Variants in ULBP1 observed in about 807,000 individuals in gnomAD.
ULBP1 encodes UL16-binding protein 1.
ULBP1 carries 28 observed loss-of-function variants against 25.3 expected under a neutral mutation model. That is an observed-to-expected ratio of 1.10 (90% CI 0.82 to 1.51). The LOEUF is 1.51. ULBP1 is among the 40% of genes most tolerant of loss of function. The pLI, the probability that ULBP1 is intolerant of heterozygous loss-of-function variation, is 0.00. For missense variants in ULBP1, 348 were observed against 290.9 expected, an observed-to-expected ratio of 1.20 and a Z score of -1.43; for synonymous variants, 129 against 103.0, an observed-to-expected ratio of 1.25 and a Z score of -1.53.
At position 149,969,250 on chromosome 6, in the gene ULBP1, G is replaced by A; in HGVS notation, c.515G>A (p.Trp172Ter). The A allele has an allele frequency of 6.2e-7, 1 of 1,614,262 alleles. No homozygotes were observed. ...GGAGCCAAGAAGATGACAGAGAAGT[G>A]GGAGAAGAACAGGGATGTGACCATG... ...HPGAKKMTEKWEKNRDVTMFF... is the reference protein window; with the variant it reads ...HPGAKKMTEK Residue 172 changes from tryptophan (W) to a stop codon, truncating the protein, a stop_gained, in exon 3 of 5, where the codon TGG (tryptophan) becomes TAG (stop). Coordinates refer to ENST00000229708, the MANE Select transcript of ULBP1 (RefSeq NM_025218.4). LOFTEE classifies it high-confidence loss of function.
At position 149,964,019 on chromosome 6, in the gene ULBP1, C is replaced by G. The variant is rs562831946; in HGVS notation, c.-31C>G. The G allele has an allele frequency of 6.2e-7, 1 of 1,610,804 alleles. No homozygotes were observed. Among genetic ancestry groups the G allele is most frequent in the South Asian group, 1.1e-5 (1 of 90,958 alleles). ...TGTGAGCCTCGAAGGGAACCATCAG[C>G]GCCTCCTGTCCACGGAGCTCCAGGT... On this transcript the variant is annotated 5_prime_UTR_variant, in exon 1 of 5. Coordinates refer to ENST00000229708, the MANE Select transcript of ULBP1 (RefSeq NM_025218.4).
intron 3 of ULBP1, 150 bp downstream of exon 3, chr6:149,969,510 G>C (rs746425002): frequency 4.8e-5 from 51 of 1,067,656 alleles, no homozygotes; most frequent in Non-Finnish European, 6.1e-5. Flanking sequence ...GCATGCCTGT[G>C]CTCTCTCATC....
Position 149,971,921 on chromosome 6 carries a change from G to C in ULBP1, c.*575G>C, listed in dbSNP as rs1779325493. 1 of 152,160 alleles carries C rather than the reference G, an allele frequency of 6.6e-6. No homozygotes were observed. Among genetic ancestry groups the C allele is most frequent in the South Asian group, 2.1e-4 (1 of 4,826 alleles). 9.4% of individuals were successfully genotyped at this position (152,160 alleles called of 1,614,324 possible). A position where few individuals can be genotyped will look rare whatever the true frequency, so the allele number is the denominator to read the frequency against. ...TGTAATCTCCAGCTCCTGGGCTCAA[G>C]TGATCCTCTAGACTCAGCCTCTAGA... is the stretch of plus-strand genomic sequence containing the variant. On this transcript the variant is annotated 3_prime_UTR_variant, in exon 5 of 5. Transcript: ENST00000229708.
Position 149,970,090 on chromosome 6 carries a change from A to G in ULBP1, c.700A>G (p.Ile234Val). The change falls in exon 4 of 5, where the codon ATC (isoleucine) becomes GTC (valine). Residue 234 changes from isoleucine to valine, a missense_variant. Physicochemically the swap from Ile to Val is conservative, Grantham distance 29 (BLOSUM62 3). Coordinates refer to ENST00000229708, the MANE Select transcript of ULBP1 (RefSeq NM_025218.4). ...CACCCTCAGTCCCTGGAGCCTTCTC[A>G]TCATCTTCCTCTGCTTCATTCTAGC... ...ATTLSPWSLL[I>V]IFLCFILAGR 5 of 1,612,846 alleles carry G rather than the reference A, an allele frequency of 3.1e-6. No homozygotes were observed. Among genetic ancestry groups the G allele is most frequent in the Non-Finnish European group, 4.2e-6 (5 of 1,179,506 alleles).
At chr6:149,966,994 G>A (rs1378497689) in intron 1 of ULBP1, among the ~76,000 whole-genome samples, 2 of 152,236 alleles carry the variant, frequency 1.3e-5, no homozygotes, top group Admixed American at 1.3e-4. Context: ...TCATCACAGG[G>A]TGTGTATGGC....
At position 149,969,269 on chromosome 6, in the gene ULBP1, G is replaced by T; in HGVS notation, c.534G>T (p.Val178=). ...MTEKWEKNRD[V]TMFFQKISLG... is the part of the protein sequence containing the mutation. Reference sequence around the variant, plus strand: ...AGAAGTGGGAGAAGAACAGGGATGTGACCATGTTCTTCCAGAAGATTTCAC... The same window carrying T: ...AGAAGTGGGAGAAGAACAGGGATGTTACCATGTTCTTCCAGAAGATTTCAC... The change falls in exon 3 of 5, where the codon GTG becomes GTT. Residue 178 remains valine (V), a synonymous_variant. Coordinates refer to ENST00000229708, the MANE Select transcript of ULBP1 (RefSeq NM_025218.4). 1.9e-6 allele frequency: 3 copies of T among 1,614,218 alleles called. No homozygotes were observed. In the South Asian group the frequency reaches 3.3e-5, roughly 18 times the overall value.
At chr6:149,971,040 G>A (rs1247248117) in intron 4 of ULBP1, among the ~76,000 whole-genome samples, 1 of 152,250 alleles carries the variant, frequency 6.6e-6, no homozygotes, top group Non-Finnish European at 1.5e-5. Flanking sequence ...TGGATAGAAA[G>A]AGCTCTCTTT....
chr6:149,970,131 G>A lies in ULBP1; in HGVS notation c.*6G>A, dbSNP rs1177306269. Reference sequence around the variant, plus strand: ...TCATTCTAGCTGGCAGATGAGGAGAGTTGTTTAGAGTGACAGGTACTGTGG... The same window carrying A: ...TCATTCTAGCTGGCAGATGAGGAGAATTGTTTAGAGTGACAGGTACTGTGG... On this transcript the variant is annotated 3_prime_UTR_variant, in exon 4 of 5. Transcript: ENST00000229708. The A allele has an allele frequency of 2.5e-6, 4 of 1,597,220 alleles. No homozygotes were observed. Among genetic ancestry groups the A allele is most frequent in the Non-Finnish European group, 3.4e-6 (4 of 1,171,610 alleles).
At chr6:149,970,256 T>G (rs1183294419) in intron 4 of ULBP1, 109 bp downstream of exon 4, 4 of 1,419,512 alleles carry the variant, frequency 2.8e-6, no homozygotes, top group Non-Finnish European at 3.8e-6. Flanking sequence ...CATCCTGACA[T>G]TAGACAGATG....
At chr6:149,965,495 T>A (rs903697250) in intron 1 of ULBP1, among the ~76,000 whole-genome samples, 13 of 152,152 alleles carry the variant, frequency 8.5e-5, no homozygotes, top group African/African-American at 3.1e-4. Context: ...AGGGCGGGGA[T>A]CCCTGGTGCA....
In ULBP1 at chr6:149,973,299, G is replaced by A. The variant is rs1779351554; in HGVS notation, c.*1953G>A. 6.6e-6 allele frequency: 1 copy of A among 152,172 alleles called. No individual in the cohort carries two copies. The highest frequency in any genetic ancestry group is 2.4e-5 in the African/African-American group (1 of 41,432). 9.4% of individuals were successfully genotyped at this position (152,172 alleles called of 1,614,324 possible). ...CATTAAATTCGCATGAACCACAGAT[G>A]CTGGAGATCACCAGACCGGGGAGAG... is the stretch of plus-strand genomic sequence containing the variant. On this transcript the variant is annotated 3_prime_UTR_variant, in exon 5 of 5. Transcript: ENST00000229708.
intron 1 of ULBP1, 142 bp downstream of exon 1, chr6:149,964,276 C>A: frequency 1.1e-6 from 1 of 914,056 alleles, no homozygotes; most frequent in Non-Finnish European, 1.6e-6. Flanking sequence ...CCGAACGTCG[C>A]GGTCCCTCCG....
At position 149,969,436 on chromosome 6, in the gene ULBP1, T is replaced by G; in HGVS notation, c.625+76T>G. On this transcript the variant is annotated intron_variant, in intron 3 of 4. Transcript: ENST00000229708. ...GCTGGTGTATGTGTGTGAGTGCGTG[T>G]GTGTGTGTGTTTGAGTGAGTATGAA... The G allele has an allele frequency of 1.9e-5, 29 of 1,556,556 alleles. No homozygotes were observed. In the South Asian group the frequency reaches 3.2e-4, roughly 17 times the overall value.
At position 149,971,924 on chromosome 6, in the gene ULBP1, A is replaced by T. The variant is rs1464750153; in HGVS notation, c.*578A>T. The T allele has an allele frequency of 2.0e-5, 3 of 152,178 alleles. No individual in the cohort carries two copies. Among genetic ancestry groups the T allele is most frequent in the African/African-American group, 7.2e-5 (3 of 41,436 alleles). The allele number at this position is 152,178 out of a possible 1,614,324, so 9.4% of individuals were successfully genotyped here. On this transcript the variant is annotated 3_prime_UTR_variant, in exon 5 of 5. Coordinates refer to ENST00000229708, the MANE Select transcript of ULBP1 (RefSeq NM_025218.4). ...AATCTCCAGCTCCTGGGCTCAAGTG[A>T]TCCTCTAGACTCAGCCTCTAGAATA...
rs911310543 is a variant in ULBP1, at chr6:149,964,011, A to G, written c.-39A>G. On this transcript the variant is annotated 5_prime_UTR_variant, in exon 1 of 5. Transcript: ENST00000229708. ...AGCCGTGGTGTGAGCCTCGAAGGGAACCATCAGCGCCTCCTGTCCACGGAG... is the reference window on the plus strand; with the variant it reads ...AGCCGTGGTGTGAGCCTCGAAGGGAGCCATCAGCGCCTCCTGTCCACGGAG... The G allele has an allele frequency of 1.9e-6, 3 of 1,607,196 alleles. No homozygotes were observed. The highest frequency in any genetic ancestry group is 1.7e-6 in the Non-Finnish European group (2 of 1,174,420).
chr6:149,963,976 C>A lies in ULBP1; in HGVS notation c.-74C>A, dbSNP rs1779146984. The A allele has an allele frequency of 4.6e-6, 7 of 1,524,138 alleles. No homozygotes were observed. The highest frequency in any genetic ancestry group is 3.5e-5 in the Admixed American group (2 of 57,336). 94.4% of individuals were successfully genotyped at this position (1,524,138 alleles called of 1,614,324 possible). On this transcript the variant is annotated 5_prime_UTR_variant, in exon 1 of 5. Transcript: ENST00000229708. ...GCGCGCGGCGGGCCGGGCTGGGCAG[C>A]TTTATAAACAGCCGTGGTGTGAGCC...
At chr6:149,965,883 C>A (rs960171998) in intron 1 of ULBP1, among the ~76,000 whole-genome samples, 2 of 152,120 alleles carry the variant, frequency 1.3e-5, no homozygotes, top group Non-Finnish European at 2.9e-5. Flanking sequence ...CCCTTAGCAC[C>A]TCCCCCGACC....
chr6:149,970,734 T>G (rs1779299296), intron 4 of ULBP1, among the ~76,000 whole-genome samples: 1 of 152,220 alleles, frequency 6.6e-6, no homozygotes, highest in African/African-American at 2.4e-5. Flanking sequence ...CCAGGCCCCT[T>G]GGACCCATGG....
intron 4 of ULBP1, 68 bp downstream of exon 4, chr6:149,970,215 ATTCCCAGAGTCCCAGAGGCCGGGAAC>A (rs1450631580): frequency 1.9e-5 from 28 of 1,511,164 alleles, no homozygotes; most frequent in Non-Finnish European, 2.5e-5. Flanking sequence ...TGGAAGGAGA[ATTCCCAGAGTCCCAGAGGCCGGGAAC>A]TTCTCATCCT....
Sources: allele counts gnomAD v4.1 joint callset (sites outside exome capture counted in the v4.1 genomes callset), GRCh38; gene constraint gnomAD v4.1.1; transcripts MANE v1.5; gene names NCBI Gene and HGNC (gene_info 2026-07-23, HGNC 2026-07-21).